ITPR2: variants seen among roughly 807,000 people sequenced by gnomAD.
ITPR2 encodes the protein inositol 1,4,5-trisphosphate-gated calcium channel ITPR2.
In ITPR2, 207 loss-of-function variants were observed where a neutral mutation model predicts 317.1. The observed-to-expected ratio is 0.65, with a 90% CI of 0.58 to 0.73. The LOEUF is 0.73. Among genes scored for constraint, ITPR2 ranks in the 30% least tolerant of loss-of-function variants. ITPR2 has a pLI of 0.00. For missense variants in ITPR2, 2,613 were observed against 3,284.0 expected, an observed-to-expected ratio of 0.80 and a Z score of 4.99; for synonymous variants, 1,156 against 1,149.1, an observed-to-expected ratio of 1.01 and a Z score of -0.12.
intron 9 of ITPR2, among the ~76,000 whole-genome samples, chr12:26,701,395 ATTATAT>A (rs1948444270): frequency 6.6e-6 from 1 of 152,112 alleles, no homozygotes; most frequent in South Asian, 2.1e-4. Context: ...TTTTTAAATG[ATTATAT>A]TTATATGTTT....
At chr12:26,613,508 C>G (rs769365320) in intron 26 of ITPR2, among the ~76,000 whole-genome samples, 1 of 152,044 alleles carries the variant, frequency 6.6e-6, no homozygotes, top group Non-Finnish European at 1.5e-5. Flanking sequence ...TTGGCTCTGA[C>G]GGCATCAGTC....
At chr12:26,780,664 TCTG>T (rs1950060601) in intron 2 of ITPR2, among the ~76,000 whole-genome samples, 1 of 152,190 alleles carries the variant, frequency 6.6e-6, no homozygotes, top group Non-Finnish European at 1.5e-5. Flanking sequence ...CTGTGTATGT[TCTG>T]AATCAGCATC....
At chr12:26,426,329 T>C (rs990766559) in intron 49 of ITPR2, among the ~76,000 whole-genome samples, 4 of 152,316 alleles carry the variant, frequency 2.6e-5, no homozygotes, top group South Asian at 4.1e-4. Flanking sequence ...TTAGAAAAAT[T>C]TAGACAAATT....
At chr12:26,591,601 G>C (rs1370246467) in intron 32 of ITPR2, among the ~76,000 whole-genome samples, 1 of 152,050 alleles carries the variant, frequency 6.6e-6, no homozygotes, top group East Asian at 1.9e-4. Context: ...AGGCCGAGAT[G>C]GGTGGATCAC....
At chr12:26,547,138 T>C (rs931740127) in intron 37 of ITPR2, among the ~76,000 whole-genome samples, 2 of 152,134 alleles carry the variant, frequency 1.3e-5, no homozygotes, top group Non-Finnish European at 1.5e-5. Context: ...GAGAAAATAT[T>C]TGCAAATTAT....
intron 2 of ITPR2, among the ~76,000 whole-genome samples, chr12:26,753,578 T>A (rs896955159): frequency 1.3e-5 from 2 of 152,202 alleles, no homozygotes; most frequent in African/African-American, 4.8e-5. Context: ...GGCAATGCTT[T>A]CCTCTCTCTC....
At chr12:26,547,942 T>C (rs1210901935) in intron 37 of ITPR2, among the ~76,000 whole-genome samples, 1 of 152,214 alleles carries the variant, frequency 6.6e-6, no homozygotes, top group Non-Finnish European at 1.5e-5. Flanking sequence ...AAAACTTGGC[T>C]ATGATCAAAG....
intron 1 of ITPR2, among the ~76,000 whole-genome samples, chr12:26,821,260 C>T (rs1950933863): frequency 6.6e-6 from 1 of 152,194 alleles, no homozygotes; most frequent in East Asian, 1.9e-4. Flanking sequence ...CCACACTGCC[C>T]CAGCAGCAGG....
At chr12:26,826,428 G>A (rs1256870235) in intron 1 of ITPR2, among the ~76,000 whole-genome samples, 4 of 152,114 alleles carry the variant, frequency 2.6e-5, no homozygotes, top group African/African-American at 9.7e-5. Flanking sequence ...TTCTTCTAAG[G>A]AATTAAGTCA....
chr12:26,582,287 CTTTTA>C (rs57467770), intron 32 of ITPR2, among the ~76,000 whole-genome samples: 2,959 of 152,044 alleles, frequency 0.019, 75 homozygotes, highest in East Asian at 0.062. Flanking sequence ...TCTTTATTTT[CTTTTA>C]TTTTAATTTA....
chr12:26,343,579 C>T (rs1318599496), intron 55 of ITPR2, among the ~76,000 whole-genome samples: 1 of 152,156 alleles, frequency 6.6e-6, no homozygotes, highest in Non-Finnish European at 1.5e-5. Flanking sequence ...AAAAAAATCA[C>T]AGAATTTGCA....
chr12:26,438,209 A>T (rs1941405029), intron 47 of ITPR2, among the ~76,000 whole-genome samples: 1 of 152,218 alleles, frequency 6.6e-6, no homozygotes, highest in South Asian at 2.1e-4. Flanking sequence ...GTAAAATGCT[A>T]AGGGAGAATA....
At chr12:26,516,285 G>GGGAAGGGAAA (rs1943504560) in intron 37 of ITPR2, among the ~76,000 whole-genome samples, 8 of 42,832 alleles carry the variant, frequency 1.9e-4, no homozygotes, top group East Asian at 1.0e-3. Context: ...GGGAAGGGAA[G>GGGAAGGGAAA]GGAAAGGAAA....
chr12:26,348,003 C>T (rs1175582427), intron 55 of ITPR2, among the ~76,000 whole-genome samples: 1 of 152,224 alleles, frequency 6.6e-6, no homozygotes, highest in Non-Finnish European at 1.5e-5. Flanking sequence ...TGTGCTATCA[C>T]AAGACCATTT....
At chr12:26,816,497 A>C (rs1950855036) in intron 1 of ITPR2, among the ~76,000 whole-genome samples, 1 of 152,238 alleles carries the variant, frequency 6.6e-6, no homozygotes, top group Non-Finnish European at 1.5e-5. Context: ...TATATGCTAA[A>C]GCATTTTTCA....
At chr12:26,497,155 CTT>C (rs573079284) in intron 37 of ITPR2, among the ~76,000 whole-genome samples, 14 of 134,348 alleles carry the variant, frequency 1.0e-4, no homozygotes, top group Non-Finnish European at 7.9e-5. Flanking sequence ...ATTTCTCTCT[CTT>C]TTTTTTTTTT....
chr12:26,337,692 GA>G lies in ITPR2; in HGVS notation c.*1704del, dbSNP rs1444522300. ...CATATCAAAATTTCTTATATCTTTG[GA>G]TCATGAATGTCAGGGTCTTTCAGCT... On this transcript the variant is annotated 3_prime_UTR_variant, in exon 57 of 57. Transcript: ENST00000381340. 4 of 152,124 alleles carry G rather than the reference GA, an allele frequency of 2.6e-5. No individual in the cohort carries two copies. The highest frequency in any genetic ancestry group is 4.4e-5 in the Non-Finnish European group (3 of 68,026). 9.4% of individuals were successfully genotyped at this position (152,124 alleles called of 1,614,324 possible).
At chr12:26,570,447 C>G (rs780787980) in intron 34 of ITPR2, among the ~76,000 whole-genome samples, 7 of 152,118 alleles carry the variant, frequency 4.6e-5, no homozygotes, top group Non-Finnish European at 1.0e-4. Context: ...CTTCTAAAAT[C>G]AACCACAACA....
At chr12:26,829,554 C>A (rs150008784) in intron 1 of ITPR2, among the ~76,000 whole-genome samples, 161 of 152,196 alleles carry the variant, frequency 1.1e-3, no homozygotes, top group African/African-American at 3.8e-3. Flanking sequence ...GTTGCCCAGG[C>A]TGGATCACGG....
Sources: gnomAD v4.1 joint callset for allele counts (sites outside exome capture counted in the v4.1 genomes callset) on GRCh38, gnomAD v4.1.1 for gene constraint, MANE v1.5 for transcripts, NCBI Gene and HGNC (gene_info 2026-07-23, HGNC 2026-07-21) for gene names.